The following PLSCR4 variants were observed in gnomAD, a reference collection of about 807,000 sequenced individuals.
PLSCR4 encodes phospholipid scramblase 4, also known as Ca(2+)-dependent phospholipid scramblase 4.
In PLSCR4, 25 loss-of-function variants were observed where a neutral mutation model predicts 36.3. The observed-to-expected ratio is 0.69, with a 90% CI of 0.50 to 0.96. The LOEUF (loss-of-function observed/expected upper bound fraction) is 0.96, where lower values mean the gene tolerates loss of function less well. Among genes scored for constraint, PLSCR4 ranks in the 40% least tolerant of loss-of-function variants. PLSCR4 has a pLI of 0.00. For missense variants in PLSCR4, 408 were observed against 414.7 expected (o/e 0.98, Z 0.14); for synonymous variants, 122 against 132.9 (o/e 0.92, Z 0.56).
intron 1 of PLSCR4, among the ~76,000 whole-genome samples, chr3:146,241,250 T>C (rs771395284): frequency 8.5e-5 from 13 of 152,182 alleles, no homozygotes; most frequent in African/African-American, 1.2e-4. Context: ...TAGATTGTGG[T>C]GATAGCTTCA....
chr3:146,222,856 A>ATG (rs2035236158), intron 1 of PLSCR4, among the ~76,000 whole-genome samples: 2 of 152,158 alleles, frequency 1.3e-5, no homozygotes, highest in African/African-American at 4.8e-5. Context: ...GTGAGAGCTG[A>ATG]CACCAGCTTA....
intron 1 of PLSCR4, among the ~76,000 whole-genome samples, chr3:146,241,043 T>C (rs77790587): frequency 0.017 from 2,555 of 152,194 alleles, 77 homozygotes; most frequent in African/African-American, 0.058. Flanking sequence ...ATATCCTGGA[T>C]GAACCTTGAA....
At chr3:146,203,697 C>T (rs1356954787) in intron 4 of PLSCR4, among the ~76,000 whole-genome samples, 2 of 151,956 alleles carry the variant, frequency 1.3e-5, no homozygotes, top group African/African-American at 2.4e-5. Flanking sequence ...AGCTTCCTCA[C>T]CTTTCTCAGC....
intron 3 of PLSCR4, among the ~76,000 whole-genome samples, chr3:146,213,060 T>A (rs1177536383): frequency 6.6e-6 from 1 of 152,212 alleles, no homozygotes; most frequent in African/African-American, 2.4e-5. Flanking sequence ...CAATCTTTTA[T>A]CCATGGGATA....
chr3:146,236,837 G>C (rs1402610472), intron 1 of PLSCR4, among the ~76,000 whole-genome samples: 2 of 152,120 alleles, frequency 1.3e-5, no homozygotes, highest in Non-Finnish European at 2.9e-5. Flanking sequence ...TGATAAGGTA[G>C]AGAAAGATGA....
chr3:146,195,042 G>T, intron 8 of PLSCR4, 82 bp downstream of exon 8: 1 of 1,253,134 alleles, frequency 8.0e-7, no homozygotes, highest in Non-Finnish European at 1.1e-6. Flanking sequence ...TGGTTTCAAG[G>T]CTTATTCTTT....
chr3:146,237,610 A>AAC (rs145890299), intron 1 of PLSCR4, among the ~76,000 whole-genome samples: 2,534 of 152,178 alleles, frequency 0.017, 78 homozygotes, highest in African/African-American at 0.057. Flanking sequence ...GATATTAAAC[A>AAC]AGTCTCTTTA....
intron 1 of PLSCR4, among the ~76,000 whole-genome samples, chr3:146,239,796 T>C (rs2036071581): frequency 6.6e-6 from 1 of 151,840 alleles, no homozygotes; most frequent in Non-Finnish European, 1.5e-5. Flanking sequence ...GGCAGGAGAA[T>C]CACTTGAACC....
chr3:146,218,723 T>C (rs375517914), intron 3 of PLSCR4, among the ~76,000 whole-genome samples: 5 of 152,276 alleles, frequency 3.3e-5, no homozygotes, highest in African/African-American at 7.2e-5. Flanking sequence ...TGTGTAACTA[T>C]AGCATCTCAG....
At chr3:146,244,895 G>T (rs749884702) in intron 1 of PLSCR4, among the ~76,000 whole-genome samples, 37 of 152,192 alleles carry the variant, frequency 2.4e-4, no homozygotes, top group South Asian at 1.9e-3. Context: ...ATGAATCTAG[G>T]CAACGTAAAT....
At chr3:146,215,290 C>T (rs551925366) in intron 3 of PLSCR4, among the ~76,000 whole-genome samples, 1 of 151,754 alleles carries the variant, frequency 6.6e-6, no homozygotes, top group East Asian at 1.9e-4. Context: ...TGGTGAAACT[C>T]GTGTTACTTA....
At chr3:146,212,447 G>GT (rs1553751821) in intron 3 of PLSCR4, among the ~76,000 whole-genome samples, 2 of 99,398 alleles carry the variant, frequency 2.0e-5, no homozygotes, top group Non-Finnish European at 4.3e-5. Flanking sequence ...GTTTTTTTTT[G>GT]TTTTTTGGGT....
At chr3:146,246,857 TC>T (rs2036358672) in intron 1 of PLSCR4, among the ~76,000 whole-genome samples, 1 of 151,884 alleles carries the variant, frequency 6.6e-6, no homozygotes, top group Non-Finnish European at 1.5e-5. Context: ...ATTCAAGGAG[TC>T]GGCAGTGCAT....
chr3:146,245,795 G>A (rs1025296938), intron 1 of PLSCR4, among the ~76,000 whole-genome samples: 1 of 151,974 alleles, frequency 6.6e-6, no homozygotes, highest in Non-Finnish European at 1.5e-5. Flanking sequence ...TTTAAAACCT[G>A]ACAATGTACT....
chr3:146,212,990 T>C (rs920228850), intron 3 of PLSCR4, among the ~76,000 whole-genome samples: 5 of 152,216 alleles, frequency 3.3e-5, no homozygotes, highest in Non-Finnish European at 7.3e-5. Flanking sequence ...GTTTGTACTA[T>C]ATTTTATTAA....
chr3:146,201,453 T>C (rs1169839650), intron 4 of PLSCR4, among the ~76,000 whole-genome samples: 6 of 152,080 alleles, frequency 3.9e-5, no homozygotes, highest in South Asian at 2.1e-4. Flanking sequence ...CCTGTAGTTG[T>C]TTAGTTAAGT....
chr3:146,227,897 TAGG>T (rs762744207), intron 1 of PLSCR4, among the ~76,000 whole-genome samples: 1 of 152,264 alleles, frequency 6.6e-6, no homozygotes, highest in Non-Finnish European at 1.5e-5. Flanking sequence ...ATGTAACTGA[TAGG>T]AGATTATATT....
Position 146,220,907 on chromosome 3 carries a change from G to C in PLSCR4, c.26C>G (p.Pro9Arg). 6.2e-7 allele frequency: 1 copy of C among 1,612,524 alleles called. No homozygotes were observed. Among genetic ancestry groups the C allele is most frequent in the Non-Finnish European group, 8.5e-7 (1 of 1,178,836 alleles). Residue 9 changes from proline (P) to arginine (R), a missense_variant, in exon 3 of 9, where the codon CCT becomes CGT. Coordinates refer to ENST00000354952, the MANE Select transcript of PLSCR4 (RefSeq NM_020353.3). Reference protein sequence around the residue: MSGVVPTAPEQPAGEMENQ... With the variant: MSGVVPTAREQPAGEMENQ... The stretch of plus-strand genomic sequence containing the variant: ...TTCCATTTCACCTGCAGGCTGTTCA[G>C]GGGCTGTGGGTACCACACCTTCAGG...
chr3:146,227,818 A>C (rs2035539376), intron 1 of PLSCR4, among the ~76,000 whole-genome samples: 1 of 152,224 alleles, frequency 6.6e-6, no homozygotes, highest in Non-Finnish European at 1.5e-5. Context: ...TTCTTAGCAG[A>C]GGCAAGAAAA....
Sources: allele counts gnomAD v4.1 joint callset (sites outside exome capture counted in the v4.1 genomes callset), GRCh38; gene constraint gnomAD v4.1.1; transcripts MANE v1.5; gene names NCBI Gene and HGNC (gene_info 2026-07-23, HGNC 2026-07-21).